Variants in RASAL2 observed in about 807,000 individuals in gnomAD.
RASAL2 encodes RAS protein activator like 2, also known as ras GTPase-activating protein nGAP.
In RASAL2, 58 loss-of-function variants were observed where a neutral mutation model predicts 128.9. That is an observed-to-expected ratio of 0.45 (90% CI 0.36 to 0.56). The LOEUF (loss-of-function observed/expected upper bound fraction) is 0.56. RASAL2 is among the 20% of genes least tolerant of loss of function. The probability of loss-of-function intolerance (pLI) is 0.00; values close to 1 mark genes in which losing one functional copy is unlikely to be tolerated. For missense variants in RASAL2, 1,360 were observed against 1,601.6 expected, an observed-to-expected ratio of 0.85 and a Z score of 2.57; for synonymous variants, 561 against 580.8, an observed-to-expected ratio of 0.97 and a Z score of 0.49.
At chr1:178,144,427 A>T (rs150387980) in intron 1 of RASAL2, among the ~76,000 whole-genome samples, 135 of 152,338 alleles carry the variant, frequency 8.9e-4, no homozygotes, top group African/African-American at 2.7e-3. Context: ...ATTGATTTTT[A>T]AAAATATTTT....
At chr1:178,231,342 C>T (rs566702541) in intron 1 of RASAL2, among the ~76,000 whole-genome samples, 9 of 151,998 alleles carry the variant, frequency 5.9e-5, no homozygotes, top group South Asian at 4.2e-4. Context: ...TTTTTGTGTG[C>T]GTGAAGAGTT....
rs1180128731 is a variant in RASAL2, at chr1:178,478,680, C to T, written c.*5441C>T. On this transcript the variant is annotated 3_prime_UTR_variant, in exon 18 of 18. Transcript: ENST00000367649. The stretch of plus-strand genomic sequence containing the variant: ...TGTGCTAGTAGCATTTAGATTATTC[C>T]GTATGTGAGATCCGTATCAGCATTT... 2.6e-5 allele frequency: 4 copies of T among 152,050 alleles called. No individual in the cohort carries two copies. The highest frequency in any genetic ancestry group is 9.7e-5 in the African/African-American group (4 of 41,402). The allele number at this position is 152,050 out of a possible 1,614,324, so 9.4% of individuals were successfully genotyped here.
chr1:178,264,680 G>A (rs1665866429), intron 1 of RASAL2, among the ~76,000 whole-genome samples: 2 of 152,208 alleles, frequency 1.3e-5, no homozygotes, highest in South Asian at 2.1e-4. Context: ...TCCCTATGGA[G>A]TTTTAGGGTA....
chr1:178,216,662 C>T (rs767687912), intron 1 of RASAL2, among the ~76,000 whole-genome samples: 12 of 152,168 alleles, frequency 7.9e-5, no homozygotes, highest in Non-Finnish European at 1.2e-4. Flanking sequence ...GTGTTTAAGA[C>T]GGAGTTTCAC....
chr1:178,107,427 G>C (rs1342605547), intron 1 of RASAL2, among the ~76,000 whole-genome samples: 2 of 152,072 alleles, frequency 1.3e-5, no homozygotes, highest in Admixed American at 1.3e-4. Context: ...GAGGATGCTA[G>C]ATAGAGTAAC....
At chr1:178,095,307 C>T (rs1381240570) in intron 1 of RASAL2, among the ~76,000 whole-genome samples, 1 of 152,202 alleles carries the variant, frequency 6.6e-6, no homozygotes, top group Non-Finnish European at 1.5e-5. Flanking sequence ...GTGATGAACA[C>T]ACTAAAACTT....
At chr1:178,099,659 T>C (rs911687301) in intron 1 of RASAL2, among the ~76,000 whole-genome samples, 2 of 152,234 alleles carry the variant, frequency 1.3e-5, no homozygotes, top group Admixed American at 6.5e-5. Context: ...TTAATATTTC[T>C]GCAGTTAAAC....
At chr1:178,384,421 A>G (rs938353449) in intron 3 of RASAL2, among the ~76,000 whole-genome samples, 1 of 152,084 alleles carries the variant, frequency 6.6e-6, no homozygotes, top group Admixed American at 6.6e-5. Flanking sequence ...CCTCAGAGAG[A>G]GTAATAATTG....
At chr1:178,246,301 T>G (rs926105712) in intron 1 of RASAL2, among the ~76,000 whole-genome samples, 1 of 152,206 alleles carries the variant, frequency 6.6e-6, no homozygotes, top group African/African-American at 2.4e-5. Context: ...TAAGTTGTAT[T>G]CCTAGGTATT....
At chr1:178,346,372 G>A (rs184762865) in intron 3 of RASAL2, among the ~76,000 whole-genome samples, 24 of 151,494 alleles carry the variant, frequency 1.6e-4, no homozygotes, top group African/African-American at 4.8e-4. Flanking sequence ...CTGTACTCCC[G>A]CCTGGGTGAC....
intron 1 of RASAL2, among the ~76,000 whole-genome samples, chr1:178,259,819 C>T (rs1174978845): frequency 6.6e-6 from 1 of 152,104 alleles, no homozygotes; most frequent in African/African-American, 2.4e-5. Flanking sequence ...CCTCCTTGGC[C>T]TCTCAAAGTG....
chr1:178,453,620 T>C (rs1450514583), intron 11 of RASAL2, among the ~76,000 whole-genome samples: 1 of 152,130 alleles, frequency 6.6e-6, no homozygotes, highest in Non-Finnish European at 1.5e-5. Flanking sequence ...GAATGATACA[T>C]CCACACTTTT....
intron 5 of RASAL2, among the ~76,000 whole-genome samples, chr1:178,429,953 C>G (rs1675776664): frequency 6.6e-6 from 1 of 152,052 alleles, no homozygotes; most frequent in African/African-American, 2.4e-5. Flanking sequence ...GTGCCTACCC[C>G]ACCCCCCAAC....
At chr1:178,249,365 C>G (rs1479259053) in intron 1 of RASAL2, among the ~76,000 whole-genome samples, 2 of 151,882 alleles carry the variant, frequency 1.3e-5, no homozygotes, top group African/African-American at 4.8e-5. Context: ...TCACGAAATT[C>G]TCGTGCTGTG....
intron 4 of RASAL2, among the ~76,000 whole-genome samples, chr1:178,404,277 A>T (rs1398889893): frequency 2.0e-5 from 3 of 152,146 alleles, no homozygotes; most frequent in African/African-American, 7.2e-5. Context: ...CCAATAGGAA[A>T]ACTGAAGAAA....
chr1:178,425,914 G>A (rs879522355), intron 5 of RASAL2, among the ~76,000 whole-genome samples: 3 of 152,110 alleles, frequency 2.0e-5, no homozygotes, highest in Non-Finnish European at 4.4e-5. Flanking sequence ...AAAGAGAGAG[G>A]GATGGACATT....
intron 3 of RASAL2, among the ~76,000 whole-genome samples, chr1:178,330,420 C>G (rs1223939017): frequency 6.6e-6 from 1 of 152,064 alleles, no homozygotes. Flanking sequence ...ACCAAGGTGT[C>G]TATGATTACA....
Position 178,452,514 on chromosome 1 carries a change from CATT to C in RASAL2, c.1875_1877del (p.Leu625del). On this transcript the variant is annotated inframe_deletion, in exon 11 of 18. Coordinates refer to ENST00000367649, the MANE Select transcript of RASAL2 (RefSeq NM_170692.4). ...ATCAGCGAGAGGCTCATCAGTGCCT[CATT>C]ATTTCTCCGTTTTCTGTGTCCAGCC... 1 of 1,614,046 alleles carries C rather than the reference CATT, an allele frequency of 6.2e-7. No individual in the cohort carries two copies. The highest frequency in any genetic ancestry group is 8.5e-7 in the Non-Finnish European group (1 of 1,179,944).
chr1:178,427,731 A>G (rs575875782), intron 5 of RASAL2, among the ~76,000 whole-genome samples: 55 of 152,224 alleles, frequency 3.6e-4, no homozygotes, highest in African/African-American at 1.2e-3. Flanking sequence ...TGGTATAGTA[A>G]TATTAAATAA....
Sources: allele counts gnomAD v4.1 joint callset (sites outside exome capture counted in the v4.1 genomes callset), GRCh38; gene constraint gnomAD v4.1.1; transcripts MANE v1.5; gene names NCBI Gene and HGNC (gene_info 2026-07-23, HGNC 2026-07-21).